The following EMID1 variants were observed in gnomAD, a reference collection of about 807,000 sequenced individuals.
EMID1 encodes EMI domain containing 1.
In EMID1, 40 loss-of-function variants were observed where a neutral mutation model predicts 60.6. The ratio of observed to expected loss-of-function variants is 0.66; its 90% CI spans 0.51 to 0.86. EMID1 has a LOEUF of 0.86. Among genes scored for constraint, EMID1 ranks in the 40% least tolerant of loss-of-function variants. EMID1 has a pLI of 0.00. For missense variants in EMID1, 585 were observed against 597.1 expected, an observed-to-expected ratio of 0.98 and a Z score of 0.21; for synonymous variants, 242 against 231.0, an observed-to-expected ratio of 1.05 and a Z score of -0.43.
At position 29,234,350 on chromosome 22, in the gene EMID1, G is replaced by T; in HGVS notation, c.1074+1G>T. 1 of 1,613,464 alleles carries T rather than the reference G, an allele frequency of 6.2e-7. No homozygotes were observed. Among genetic ancestry groups the T allele is most frequent in the Non-Finnish European group, 8.5e-7 (1 of 1,179,898 alleles). ...CCCCCAAGGCTCTGCTGGGCAGCGG[G>T]TAAGTGTTGCTGTCTGTCCCGCATT... On this transcript the variant is annotated splice_donor_variant, in intron 12 of 14. Coordinates refer to ENST00000334018, the MANE Select transcript of EMID1 (RefSeq NM_133455.4). LOFTEE classifies it high-confidence loss of function.
chr22:29,237,546 C>T (rs1172944732), intron 12 of EMID1, among the ~76,000 whole-genome samples: 1 of 143,662 alleles, frequency 7.0e-6, no homozygotes, highest in Non-Finnish European at 1.5e-5. Flanking sequence ...CGCCTATAAT[C>T]CCAGCACTTT....
At chr22:29,228,054 G>C (rs1481988928) in intron 5 of EMID1, among the ~76,000 whole-genome samples, 1 of 151,972 alleles carries the variant, frequency 6.6e-6, no homozygotes, top group African/African-American at 2.4e-5. Context: ...TACTCGGGAG[G>C]CTGAGGCAGG....
rs1315081399 is a variant in EMID1, at chr22:29,245,549, G to T, written c.1119+2060G>T. Among the ~76,000 whole-genome samples, 3 of 152,202 alleles carry T rather than the reference G, an allele frequency of 2.0e-5. No individual in the cohort carries two copies. In the South Asian group the frequency reaches 6.2e-4, roughly 32 times the overall value. On this transcript the variant is annotated intron_variant, in intron 13 of 14. Coordinates refer to ENST00000334018, the MANE Select transcript of EMID1 (RefSeq NM_133455.4). ...GCTTGCCTGGGAGGGGACCCACTGG[G>T]CTGGGGGCTGCATGAAGCTTTGGGG... is the stretch of plus-strand genomic sequence containing the variant.
chr22:29,210,372 T>C (rs879732948), intron 1 of EMID1, among the ~76,000 whole-genome samples: 5 of 151,548 alleles, frequency 3.3e-5, no homozygotes, highest in Non-Finnish European at 5.9e-5. Context: ...TCCTGCCTGG[T>C]ATTACAGGCA....
chr22:29,226,471 G>A lies in EMID1; in HGVS notation c.404-19G>A. The stretch of plus-strand genomic sequence containing the variant: ...CCTAGGACCCTTGGCCCTGGCCCCA[G>A]CTTCCTCCCTCCCCGCAGGTTGTCT... On this transcript the variant is annotated intron_variant, in intron 4 of 14. Coordinates refer to ENST00000334018, the MANE Select transcript of EMID1 (RefSeq NM_133455.4). 1 of 1,610,780 alleles carries A rather than the reference G, an allele frequency of 6.2e-7. No homozygotes were observed. Among genetic ancestry groups the A allele is most frequent in the Admixed American group, 1.7e-5 (1 of 59,654 alleles).
chr22:29,255,359 C>A, intron 14 of EMID1: 1 of 1,478,962 alleles, frequency 6.8e-7, no homozygotes, highest in South Asian at 1.3e-5. Context: ...ATCATCTGGC[C>A]AGGTAATGGC....
At position 29,232,378 on chromosome 22, in the gene EMID1, C is replaced by T. The variant is rs1033395799; in HGVS notation, c.799C>T (p.Pro267Ser). Residue 267 changes from proline (P) to serine (S), a missense_variant, in exon 8 of 15, where the codon CCC (proline) becomes TCC (serine). Pro to Ser is a moderately conservative substitution (Grantham distance 74). Coordinates refer to ENST00000334018, the MANE Select transcript of EMID1 (RefSeq NM_133455.4). ...TGGGCCCCCAGCCCCTGTTGGGCCA[C>T]CCCATGCCCGGATCTCCCAGCATGG... ...PPGPPAPVGP[P>S]HARISQHGDP... The T allele has an allele frequency of 1.3e-6, 2 of 1,590,992 alleles. No individual in the cohort carries two copies. Among genetic ancestry groups the T allele is most frequent in the African/African-American group, 1.3e-5 (1 of 74,098 alleles).
chr22:29,236,830 T>G lies in EMID1; in HGVS notation c.1074+2481T>G, dbSNP rs540104914. Among the ~76,000 whole-genome samples the G allele has an allele frequency of 2.6e-4, 39 of 151,910 alleles. 2 individuals carry two copies. In the South Asian group the frequency reaches 8.1e-3, roughly 32 times the overall value. Reference sequence around the variant, plus strand: ...TTTATTTTTTGAGGCAGAGTCTTGCTCTGTCGCCCAGGCTGGAGTCTAGTG... The same window carrying G: ...TTTATTTTTTGAGGCAGAGTCTTGCGCTGTCGCCCAGGCTGGAGTCTAGTG... On this transcript the variant is annotated intron_variant, in intron 12 of 14. Coordinates refer to ENST00000334018, the MANE Select transcript of EMID1 (RefSeq NM_133455.4).
intron 3 of EMID1, among the ~76,000 whole-genome samples, chr22:29,223,644 G>A (rs1457136534): frequency 3.3e-5 from 5 of 152,236 alleles, no homozygotes; most frequent in African/African-American, 4.8e-5. Flanking sequence ...CTGATGCCGA[G>A]TTGCCTCTCT....
At chr22:29,255,186 G>GGCCC in intron 14 of EMID1, 1 of 425,448 alleles carries the variant, frequency 2.4e-6, no homozygotes, top group Non-Finnish European at 4.5e-6. Flanking sequence ...AGCTGGCAGT[G>GGCCC]CCCTCCCACC....
intron 12 of EMID1, 44 bp from the exon 13 acceptor site, chr22:29,243,401 C>G (rs2041221167): frequency 2.5e-6 from 4 of 1,604,176 alleles, no homozygotes; most frequent in Non-Finnish European, 3.4e-6. Flanking sequence ...CCCTTTCTGT[C>G]TCCTTGCCTT....
chr22:29,253,555 C>A (rs1569008768), intron 13 of EMID1, among the ~76,000 whole-genome samples: 1 of 152,172 alleles, frequency 6.6e-6, no homozygotes, highest in Non-Finnish European at 1.5e-5. Flanking sequence ...GCACTCCAAC[C>A]TGGGCAACAA....
At chr22:29,229,502 G>A (rs548603057) in intron 5 of EMID1, among the ~76,000 whole-genome samples, 1 of 152,182 alleles carries the variant, frequency 6.6e-6, no homozygotes, top group South Asian at 2.1e-4. Flanking sequence ...AATTAGCCAG[G>A]CTTGGTGGCG....
chr22:29,245,242 C>T lies in EMID1; in HGVS notation c.1119+1753C>T, dbSNP rs928734194. On this transcript the variant is annotated intron_variant, in intron 13 of 14. Coordinates refer to ENST00000334018, the MANE Select transcript of EMID1 (RefSeq NM_133455.4). The stretch of plus-strand genomic sequence containing the variant: ...GTATGGACATGAGCTGAGCTGGGAT[C>T]AGATAGACCCATGCAAGCCTGGCTC... 3.3e-5 allele frequency among the ~76,000 whole-genome samples: 5 copies of T among 152,294 alleles called. No homozygotes were observed. In the South Asian group the frequency reaches 1.0e-3, roughly 32 times the overall value.
chr22:29,251,286 G>A (rs1274684680), intron 13 of EMID1, among the ~76,000 whole-genome samples: 1 of 150,858 alleles, frequency 6.6e-6, no homozygotes, highest in Non-Finnish European at 1.5e-5. Flanking sequence ...TTCGTCATGT[G>A]GGCTAGGCTG....
intron 1 of EMID1, 45 bp downstream of exon 1, chr22:29,206,184 G>A: frequency 1.7e-6 from 2 of 1,206,046 alleles, no homozygotes; most frequent in Non-Finnish European, 2.1e-6. Context: ...CGAGGGTCCC[G>A]GCGCGCACAC....
intron 14 of EMID1, chr22:29,255,328 C>A (rs748027440): frequency 6.6e-7 from 1 of 1,523,578 alleles, no homozygotes; most frequent in East Asian, 2.5e-5. Context: ...CCTGGCCAGA[C>A]GGGTCACCCT....
chr22:29,215,742 T>G (rs2040057778), intron 3 of EMID1, 112 bp downstream of exon 3: 5 of 805,342 alleles, frequency 6.2e-6, no homozygotes. Context: ...CCATGCCTGC[T>G]GGGGCCAGCT....
intron 4 of EMID1, 57 bp downstream of exon 4, chr22:29,225,273 G>C: frequency 1.9e-6 from 3 of 1,579,146 alleles, no homozygotes; most frequent in Admixed American, 1.7e-5. Flanking sequence ...CCTGGAGGGG[G>C]CTCAGGGCAG....
Sources: allele counts gnomAD v4.1 joint callset (sites outside exome capture counted in the v4.1 genomes callset), GRCh38; gene constraint gnomAD v4.1.1; transcripts MANE v1.5; gene names NCBI Gene and HGNC (gene_info 2026-07-23, HGNC 2026-07-21).